ESRRG: variants seen among roughly 807,000 people sequenced by gnomAD.
ESRRG encodes estrogen related receptor gamma, also known as estrogen-related receptor gamma.
Under a neutral mutation model 44.0 loss-of-function variants are expected in ESRRG, and 13 were observed. That is an observed-to-expected ratio of 0.30 (90% CI 0.19 to 0.47). The LOEUF (loss-of-function observed/expected upper bound fraction) is 0.47. Ranked by LOEUF, ESRRG falls within the 20% of genes least tolerant of loss-of-function variation. The probability of loss-of-function intolerance (pLI) is 1.00; values close to 1 mark genes in which losing one functional copy is unlikely to be tolerated. For synonymous variants in ESRRG, 215 were observed against 214.6 expected (o/e 1.00, Z -0.02); for missense variants, 395 against 580.6 (o/e 0.68, Z 3.29).
At chr1:216,756,264 A>C (rs2092439558) in intron 2 of ESRRG, among the ~76,000 whole-genome samples, 1 of 152,036 alleles carries the variant, frequency 6.6e-6, no homozygotes, top group Non-Finnish European at 1.5e-5. Context: ...TATAAATATT[A>C]GGGTTTTTTC....
intron 2 of ESRRG, among the ~76,000 whole-genome samples, chr1:216,900,755 G>A (rs1424747573): frequency 6.6e-6 from 1 of 152,200 alleles, no homozygotes; most frequent in South Asian, 2.1e-4. Context: ...TACACTAAGG[G>A]CTCACAGGTA....
chr1:216,621,139 T>C (rs936782495), intron 3 of ESRRG, among the ~76,000 whole-genome samples: 1 of 152,204 alleles, frequency 6.6e-6, no homozygotes, highest in Non-Finnish European at 1.5e-5. Flanking sequence ...GATATTTATG[T>C]ATAAAATTTT....
intron 2 of ESRRG, among the ~76,000 whole-genome samples, chr1:216,758,765 G>A (rs1041942135): frequency 6.6e-6 from 1 of 151,924 alleles, no homozygotes; most frequent in Non-Finnish European, 1.5e-5. Context: ...TGGGTACTTG[G>A]AAAGTCAAAG....
intron 2 of ESRRG, among the ~76,000 whole-genome samples, chr1:216,666,162 C>T (rs10442690): frequency 0.71 from 107,464 of 152,076 alleles, 40,055 homozygotes; most frequent in Non-Finnish European, 0.82. Context: ...TAGCAAATCA[C>T]ATTGAGTCAT....
intron 2 of ESRRG, among the ~76,000 whole-genome samples, chr1:216,778,214 C>T (rs368010731): frequency 8.0e-4 from 121 of 151,944 alleles, no homozygotes; most frequent in African/African-American, 2.7e-3. Flanking sequence ...AAGTAGAAAA[C>T]GGCAGAGGGA....
intron 5 of ESRRG, among the ~76,000 whole-genome samples, chr1:216,534,320 T>A (rs1277987361): frequency 6.6e-6 from 1 of 152,094 alleles, no homozygotes; most frequent in Non-Finnish European, 1.5e-5. Flanking sequence ...TTGTATTTAG[T>A]GCATTATTTA....
intron 1 of ESRRG, among the ~76,000 whole-genome samples, chr1:217,115,919 A>C (rs1236679766): frequency 6.6e-6 from 1 of 152,154 alleles, no homozygotes; most frequent in Admixed American, 6.5e-5. Flanking sequence ...CTGATACGTA[A>C]TAGCTGCTCA....
At chr1:216,877,013 T>TGA (rs1553671913) in intron 2 of ESRRG, among the ~76,000 whole-genome samples, 2 of 148,082 alleles carry the variant, frequency 1.4e-5, no homozygotes, top group African/African-American at 5.0e-5. Context: ...TGTGTGTGTG[T>TGA]GATCTATGAA....
chr1:217,095,106 T>C (rs1034299967), intron 1 of ESRRG, among the ~76,000 whole-genome samples: 2 of 152,188 alleles, frequency 1.3e-5, no homozygotes, highest in Non-Finnish European at 2.9e-5. Context: ...GAAGGGTGCA[T>C]GACTCCAGAA....
chr1:216,714,962 C>T (rs1405220205), intron 1 of ESRRG: 3 of 432,668 alleles, frequency 6.9e-6, no homozygotes, highest in Non-Finnish European at 6.2e-6. Flanking sequence ...AATTCCTGAC[C>T]CTAGGAAAGA....
Position 216,658,137 on chromosome 1 carries a change from G to A in ESRRG, c.473-7048C>T, listed in dbSNP as rs74743363. Among the ~76,000 whole-genome samples, 843 of 152,228 alleles carry A rather than the reference G, an allele frequency of 5.5e-3. 9 individuals are homozygous for A. The highest frequency in any genetic ancestry group is 0.019 in the African/African-American group (808 of 41,540). ...ATCCTACAGTGTCCTGTGTTTGGGA[G>A]AGTCACCAAGGCTGCAGTCTGTGCC... On this transcript the variant is annotated intron_variant, in intron 2 of 6. Transcript: ENST00000408911.
At chr1:216,956,255 A>G (rs2818796) in intron 1 of ESRRG, among the ~76,000 whole-genome samples, 47,553 of 151,922 alleles carry the variant, frequency 0.31, 7,743 homozygotes, top group Middle Eastern at 0.39. Context: ...AATCTTCTGC[A>G]TATAGATATC....
intron 5 of ESRRG, among the ~76,000 whole-genome samples, chr1:216,555,178 G>C (rs1355339291): frequency 6.6e-6 from 1 of 152,122 alleles, no homozygotes; most frequent in Admixed American, 6.6e-5. Flanking sequence ...CACAGCCAAG[G>C]CTGACATTCT....
At chr1:216,530,380 T>G (rs1298861501) in intron 5 of ESRRG, among the ~76,000 whole-genome samples, 3 of 152,046 alleles carry the variant, frequency 2.0e-5, no homozygotes, top group Non-Finnish European at 4.4e-5. Context: ...AAAAGAGAAG[T>G]GCTCACTGGA....
At chr1:216,909,891 A>G (rs2060114688) in intron 2 of ESRRG, among the ~76,000 whole-genome samples, 1 of 152,146 alleles carries the variant, frequency 6.6e-6, no homozygotes, top group African/African-American at 2.4e-5. Context: ...AACAAGCAAA[A>G]CCCACAAATG....
At chr1:216,557,639 G>A (rs541617210) in intron 5 of ESRRG, among the ~76,000 whole-genome samples, 23 of 152,094 alleles carry the variant, frequency 1.5e-4, no homozygotes, top group African/African-American at 5.5e-4. Flanking sequence ...CTATGGAGAT[G>A]TTAGTTAGTT....
At chr1:216,999,698 C>T (rs575462489) in intron 1 of ESRRG, among the ~76,000 whole-genome samples, 42 of 152,210 alleles carry the variant, frequency 2.8e-4, no homozygotes, top group African/African-American at 9.6e-4. Flanking sequence ...TGAGTAGTTA[C>T]TCTGTGATGA....
chr1:216,779,231 A>T lies in ESRRG; in HGVS notation c.-13-101740T>A, dbSNP rs1309873740. On this transcript the variant is annotated intron_variant, in intron 2 of 7. Coordinates refer to the ESRRG transcript ENST00000359162. ...TATAAATATATATTTATATTTATAA[A>T]TATAAATATATATTTATATTTATAA... 8.4e-4 allele frequency among the ~76,000 whole-genome samples: 56 copies of T among 67,052 alleles called. 3 individuals are homozygous for T. Among genetic ancestry groups the T allele is most frequent in the Admixed American group, 3.3e-3 (12 of 3,592 alleles). 44.0% of individuals were successfully genotyped at this position (67,052 alleles called of 152,430 possible).
intron 2 of ESRRG, among the ~76,000 whole-genome samples, chr1:216,821,710 AAAT>A (rs1440567222): frequency 8.5e-5 from 12 of 140,472 alleles, no homozygotes; most frequent in African/African-American, 3.1e-4. Flanking sequence ...ATAAATAAAT[AAAT>A]AAATAAATAA....
Sources: allele counts gnomAD v4.1 joint callset (sites outside exome capture counted in the v4.1 genomes callset), GRCh38; gene constraint gnomAD v4.1.1; transcripts MANE v1.5; gene names NCBI Gene and HGNC (gene_info 2026-07-23, HGNC 2026-07-21).